Variants in BCAS3 observed in about 807,000 individuals in gnomAD.
The protein encoded by BCAS3 is BCAS3 microtubule associated cell migration factor.
A neutral mutation model predicts 116.1 loss-of-function variants in BCAS3; 53 were observed. The ratio of observed to expected loss-of-function variants is 0.46; its 90% CI spans 0.37 to 0.57. The LOEUF (loss-of-function observed/expected upper bound fraction) is 0.57, where lower values mean the gene tolerates loss of function less well. Ranked by LOEUF, BCAS3 falls within the 20% of genes least tolerant of loss-of-function variation. The pLI is 0.00. For synonymous variants in BCAS3, 391 were observed against 408.2 expected, an observed-to-expected ratio of 0.96 and a Z score of 0.51; for missense variants, 917 against 1,165.4, an observed-to-expected ratio of 0.79 and a Z score of 3.10.
intron 22 of BCAS3, among the ~76,000 whole-genome samples, chr17:61,187,871 T>C (rs2079873057): frequency 6.6e-6 from 1 of 152,188 alleles, no homozygotes; most frequent in South Asian, 2.1e-4. Flanking sequence ...TCCATTTGTA[T>C]AACATGCCAA....
intron 8 of BCAS3, among the ~76,000 whole-genome samples, chr17:60,872,652 C>T (rs1395485936): frequency 6.8e-6 from 1 of 147,904 alleles, no homozygotes; most frequent in Non-Finnish European, 1.5e-5. Flanking sequence ...ACCCCGATAT[C>T]TATCTGTATG....
chr17:60,779,578 A>G (rs963654630), intron 6 of BCAS3, among the ~76,000 whole-genome samples: 23 of 152,312 alleles, frequency 1.5e-4, no homozygotes, highest in African/African-American at 5.5e-4. Flanking sequence ...CATGTTGGTC[A>G]GGCTGGTCTC....
At chr17:61,194,979 G>A (rs1414479055) in intron 22 of BCAS3, among the ~76,000 whole-genome samples, 2 of 152,158 alleles carry the variant, frequency 1.3e-5, no homozygotes, top group Non-Finnish European at 2.9e-5. Context: ...CTGCAGGCTT[G>A]AAGAGAATGA....
At chr17:60,913,207 A>C (rs901752788) in intron 12 of BCAS3, among the ~76,000 whole-genome samples, 7 of 152,110 alleles carry the variant, frequency 4.6e-5, no homozygotes, top group African/African-American at 1.4e-4. Context: ...AGAATCATAG[A>C]AATGTTAACT....
chr17:60,937,602 A>C (rs2060002675), intron 13 of BCAS3, among the ~76,000 whole-genome samples: 1 of 152,224 alleles, frequency 6.6e-6, no homozygotes, highest in African/African-American at 2.4e-5. Flanking sequence ...CCCTTCCTAC[A>C]TTTAGAAATT....
intron 22 of BCAS3, among the ~76,000 whole-genome samples, chr17:61,138,530 T>A (rs1368320687): frequency 3.9e-5 from 6 of 152,254 alleles, no homozygotes; most frequent in Non-Finnish European, 2.9e-5. Context: ...TTTCTGAACA[T>A]CTTTTTGTAA....
chr17:61,182,108 A>G (rs2079518987), intron 22 of BCAS3, among the ~76,000 whole-genome samples: 1 of 152,156 alleles, frequency 6.6e-6, no homozygotes, highest in Non-Finnish European at 1.5e-5. Context: ...TCCTGGCCTC[A>G]AGTGATCCTC....
rs755966067 is a variant in BCAS3 at position 60,976,020 on chromosome 17, C to CTTTTTTTTTTTTTTTTTT, written c.1222-13948_1222-13931dup. Among the ~76,000 whole-genome samples the CTTTTTTTTTTTTTTTTTT allele has an allele frequency of 5.1e-5, 5 of 98,312 alleles. 1 individual carries two copies. The highest frequency in any genetic ancestry group is 8.3e-5 in the African/African-American group (2 of 24,046). 64.5% of individuals were successfully genotyped at this position (98,312 alleles called of 152,430 possible). ...GCAAACATTTGTATATAGATTTTTG[C>CTTTTTTTTTTTTTTTTTT]TTTTTTTTTTTTTTTTTTTTCTTTT... On this transcript the variant is annotated intron_variant, in intron 14 of 23. Coordinates refer to ENST00000407086, the MANE Select transcript of BCAS3 (RefSeq NM_017679.5).
chr17:61,042,567 A>G (rs1273368710), intron 19 of BCAS3, among the ~76,000 whole-genome samples: 1 of 151,908 alleles, frequency 6.6e-6, no homozygotes, highest in African/African-American at 2.4e-5. Context: ...AAGCATAGGA[A>G]TGACACCATC....
At position 61,235,793 on chromosome 17, in the gene BCAS3, G is replaced by A. The variant is rs2083007022; in HGVS notation, c.2426-132534G>A. 6.6e-6 allele frequency among the ~76,000 whole-genome samples: 1 copy of A among 151,980 alleles called. No individual in the cohort carries two copies. Among genetic ancestry groups the A allele is most frequent in the South Asian group, 2.1e-4 (1 of 4,816 alleles). On this transcript the variant is annotated intron_variant, in intron 22 of 23. Coordinates refer to ENST00000407086, the MANE Select transcript of BCAS3 (RefSeq NM_017679.5). The surrounding 1 kb of genome is among the most constrained non-coding windows in gnomAD (Gnocchi z 5.0). ...AAGAGATGTGGAGACTGGGGGAAAA[G>A]GACTGATTATATGTTAGCTTAACAG...
intron 14 of BCAS3, among the ~76,000 whole-genome samples, chr17:60,963,920 G>C (rs1415631381): frequency 6.6e-6 from 1 of 152,204 alleles, no homozygotes; most frequent in African/African-American, 2.4e-5. Flanking sequence ...CTGATCAGCT[G>C]TAACAATTTT....
intron 19 of BCAS3, among the ~76,000 whole-genome samples, chr17:61,066,418 A>G (rs1421783032): frequency 6.6e-6 from 1 of 152,192 alleles, no homozygotes; most frequent in Non-Finnish European, 1.5e-5. Context: ...TAACTTTTAC[A>G]TGCGTTGGCA....
At chr17:61,094,618 C>T (rs1374102161) in intron 22 of BCAS3, among the ~76,000 whole-genome samples, 5 of 152,122 alleles carry the variant, frequency 3.3e-5, no homozygotes, top group African/African-American at 4.8e-5. Flanking sequence ...GAGGCCAAGG[C>T]GGGTGGATCA....
intron 13 of BCAS3, among the ~76,000 whole-genome samples, chr17:60,939,859 T>A (rs1235290541): frequency 6.6e-6 from 1 of 152,210 alleles, no homozygotes; most frequent in Non-Finnish European, 1.5e-5. Flanking sequence ...AATGGACAAA[T>A]ATTCTCAACA....
chr17:61,061,419 C>T (rs1313132216), intron 19 of BCAS3, among the ~76,000 whole-genome samples: 2 of 152,134 alleles, frequency 1.3e-5, no homozygotes, highest in African/African-American at 2.4e-5. Context: ...TGTTGTTTGT[C>T]AGGGCTTAGT....
chr17:61,363,999 G>A lies in BCAS3; in HGVS notation c.2426-4328G>A, dbSNP rs1018633029. ...CCTTGCTCTCACTCTGGGACAGGGA[G>A]ATTCCAGGAGCACCTTTGCTGTCCT... On this transcript the variant is annotated intron_variant, in intron 22 of 23. Transcript: ENST00000407086. The surrounding 1 kb of genome is among the most constrained non-coding windows in gnomAD (Gnocchi z 4.9). Among the ~76,000 whole-genome samples the A allele has an allele frequency of 1.3e-5, 2 of 152,224 alleles. No individual in the cohort carries two copies. The highest frequency in any genetic ancestry group is 2.9e-5 in the Non-Finnish European group (2 of 68,036).
In BCAS3 at chr17:60,995,675, T is replaced by C. The variant is rs1032915842; in HGVS notation, c.1486+5440T>C. Among the ~76,000 whole-genome samples the C allele has an allele frequency of 1.3e-5, 2 of 152,162 alleles. No homozygotes were observed. Among genetic ancestry groups the C allele is most frequent in the East Asian group, 3.8e-4 (2 of 5,204 alleles). ...AGAAAAACAATTTAGATTTAAATAA[T>C]TACTTGTTAGAATGAAGAGCTTTTT... is the stretch of plus-strand genomic sequence containing the variant. On this transcript the variant is annotated intron_variant, in intron 15 of 23. Coordinates refer to ENST00000407086, the MANE Select transcript of BCAS3 (RefSeq NM_017679.5). The surrounding 1 kb of genome is among the most constrained non-coding windows in gnomAD (Gnocchi z 4.7).
At chr17:61,011,277 C>T (rs1011436325) in intron 15 of BCAS3, among the ~76,000 whole-genome samples, 1 of 151,966 alleles carries the variant, frequency 6.6e-6, no homozygotes, top group Non-Finnish European at 1.5e-5. Flanking sequence ...AAAAGAATAG[C>T]AATAGACTTC....
rs1555730676 is a variant in BCAS3, at chr17:60,813,310, A to AGG, written c.476+5234_476+5235insGG. ...TAACAAAGATTTCTTAAAAAAAAAA[A>AGG]AAGGAGGTTATGTTAGGAGCAATTA... On this transcript the variant is annotated intron_variant, in intron 7 of 23. Transcript: ENST00000407086. 3.5e-3 allele frequency among the ~76,000 whole-genome samples: 435 copies of AGG among 123,998 alleles called. 3 individuals are homozygous for AGG. The highest frequency in any genetic ancestry group is 0.02 in the African/African-American group (370 of 18,252). The allele number at this position is 123,998 out of a possible 152,430, so 81.3% of individuals were successfully genotyped here. A position where few individuals can be genotyped will look rare whatever the true frequency, so the allele number is the denominator to read the frequency against.
Sources: gnomAD v4.1 joint callset for allele counts (sites outside exome capture counted in the v4.1 genomes callset) on GRCh38, gnomAD v4.1.1 for gene constraint, Gnocchi (gnomAD v3.1) non-coding constraint, MANE v1.5 for transcripts, NCBI Gene and HGNC (gene_info 2026-07-23, HGNC 2026-07-21) for gene names.